The following AFF2 variants were observed in gnomAD, a reference collection of about 807,000 sequenced individuals.
AFF2 encodes ALF transcription elongation factor 2, also known as AF4/FMR2 family member 2.
AFF2 carries 14 observed loss-of-function variants against 76.9 expected under a neutral mutation model. That is an observed-to-expected ratio of 0.18 (90% CI 0.12 to 0.28). The LOEUF (loss-of-function observed/expected upper bound fraction) is 0.28, where lower values mean the gene tolerates loss of function less well. Among genes scored for constraint, AFF2 ranks in the 10% least tolerant of loss-of-function variants. The pLI is 1.00. For synonymous variants in AFF2, 398 were observed against 366.7 expected (o/e 1.09, Z -0.98); for missense variants, 868 against 1,001.1 (o/e 0.87, Z 1.79).
Position 148,835,426 on chromosome X carries a change from G to T in AFF2, c.1087-2221G>T, listed in dbSNP as rs370516276. 6.5e-5 allele frequency among the ~76,000 whole-genome samples: 7 copies of T among 108,193 alleles called. No homozygotes were observed. The East Asian group carries it at 2.0e-3, about 31-fold the overall frequency. 94.0% of individuals were successfully genotyped at this position (108,193 alleles called of 115,157 possible). Reference sequence around the variant, plus strand: ...GGGGTAAAACATGATGTTTTGATATGTATATACATTGTGGAATGATTACAT... The same window carrying T: ...GGGGTAAAACATGATGTTTTGATATTTATATACATTGTGGAATGATTACAT... On this transcript the variant is annotated intron_variant, in intron 4 of 20. Coordinates refer to ENST00000370460, the MANE Select transcript of AFF2 (RefSeq NM_002025.4).
At chrX:148,619,245 G>T (rs1419350690) in intron 1 of AFF2, among the ~76,000 whole-genome samples, 1 of 111,196 alleles carries the variant, frequency 9.0e-6, no homozygotes, top group African/African-American at 3.3e-5. Context: ...TGGGGCTACA[G>T]ACTTTCTCCA....
chrX:148,773,685 G>GGAAAGAAGAAAGAAA (rs2069621391), intron 3 of AFF2, among the ~76,000 whole-genome samples: 1 of 51,442 alleles, frequency 1.9e-5, no homozygotes, highest in South Asian at 1.3e-3. Context: ...AAGGAAGGAA[G>GGAAAGAAGAAAGAAA]GAAAGAAAGA....
chrX:148,589,416 T>G (rs190661837), intron 1 of AFF2, among the ~76,000 whole-genome samples: 168 of 112,400 alleles, frequency 1.5e-3, no homozygotes, highest in African/African-American at 5.0e-3. Context: ...TGACTATGCT[T>G]CTTTTACATT....
intron 2 of AFF2, among the ~76,000 whole-genome samples, chrX:148,658,120 T>A: frequency 8.9e-6 from 1 of 111,922 alleles, no homozygotes; most frequent in Non-Finnish European, 1.9e-5. Context: ...TATGTGCTGA[T>A]TGTTGAATGG....
Position 148,956,216 on chromosome X carries a change from A to T in AFF2, c.2171A>T (p.Gln724Leu). 1 of 1,211,720 alleles carries T rather than the reference A, an allele frequency of 8.3e-7. No individual in the cohort carries two copies. The highest frequency in any genetic ancestry group is 1.1e-6 in the Non-Finnish European group (1 of 895,523). The change falls in exon 11 of 21, where the codon CAG becomes CTG. Residue 724 changes from glutamine (Q) to leucine (L), a missense_variant. Around this residue, in one of 6 missense-constraint regions of AFF2, gnomAD observed 532 missense variants for 564.2 expected, o/e 0.94. Transcript: ENST00000370460. ...TCTACATCTGACTCCAACACAGATCAGGAAGAGACCCTGCAAATCAAAGTC... is the reference window on the plus strand; with the variant it reads ...TCTACATCTGACTCCAACACAGATCTGGAAGAGACCCTGCAAATCAAAGTC... ...DSSTSDSNTD[Q>L]EETLQIKVLP...
chrX:148,717,239 A>T (rs1365454488), intron 3 of AFF2, among the ~76,000 whole-genome samples: 2 of 112,487 alleles, frequency 1.8e-5, no homozygotes, highest in African/African-American at 6.5e-5. Context: ...CATGTAAATG[A>T]ATGAAGTACG....
chrX:148,990,039 T>TAATA (rs2072517045), intron 20 of AFF2, among the ~76,000 whole-genome samples: 1 of 112,326 alleles, frequency 8.9e-6, no homozygotes, highest in African/African-American at 3.2e-5. Context: ...ATGTTTTCCT[T>TAATA]AATACTGTAT....
intron 7 of AFF2, among the ~76,000 whole-genome samples, chrX:148,880,136 G>A (rs2071080616): frequency 8.9e-6 from 1 of 112,051 alleles, no homozygotes; most frequent in African/African-American, 3.2e-5. Context: ...CACTGCCACA[G>A]CCCTCAGACA....
At chrX:148,661,091 C>G (rs1467119509) in intron 2 of AFF2, among the ~76,000 whole-genome samples, 1 of 112,533 alleles carries the variant, frequency 8.9e-6, no homozygotes, top group Non-Finnish European at 1.9e-5. Flanking sequence ...TCTCTAACTG[C>G]TATACATTAG....
intron 9 of AFF2, among the ~76,000 whole-genome samples, chrX:148,928,928 A>C (rs1039764292): frequency 1.8e-5 from 2 of 112,134 alleles, no homozygotes; most frequent in Non-Finnish European, 3.8e-5. Context: ...AATGGAACCC[A>C]AGGTTGCTTG....
chrX:148,968,328 G>T (rs1000761751), intron 15 of AFF2, among the ~76,000 whole-genome samples: 1 of 111,447 alleles, frequency 9.0e-6, no homozygotes, highest in Non-Finnish European at 1.9e-5. Flanking sequence ...CTAACAGTGG[G>T]TCTCAACCAC....
chrX:148,689,893 T>G (rs572296710), intron 3 of AFF2, among the ~76,000 whole-genome samples: 1 of 112,508 alleles, frequency 8.9e-6, no homozygotes. Context: ...GTTATTTGCT[T>G]ATTCAGAAAC....
In AFF2 at chrX:148,915,412, T is replaced by A. The variant is rs201831956; in HGVS notation, c.1397+11154T>A. Among the ~76,000 whole-genome samples, 24 of 112,162 alleles carry A rather than the reference T, an allele frequency of 2.1e-4. No homozygotes were observed. The East Asian group carries it at 5.9e-3, about 28-fold the overall frequency. On this transcript the variant is annotated intron_variant, in intron 9 of 20. Transcript: ENST00000370460. ...AGAAGGTCTCAAATCTTTTTCTCAA[T>A]TCTCATTCCTTTTCCAATTTGTTTA...
intron 12 of AFF2, among the ~76,000 whole-genome samples, chrX:148,962,276 T>C (rs1300529165): frequency 8.9e-6 from 1 of 112,687 alleles, no homozygotes; most frequent in East Asian, 2.8e-4. Flanking sequence ...ACTGATTCTT[T>C]ATTGTGCCAT....
At chrX:148,528,346 T>G (rs1699402746) in intron 1 of AFF2, among the ~76,000 whole-genome samples, 1 of 112,084 alleles carries the variant, frequency 8.9e-6, no homozygotes, top group Non-Finnish European at 1.9e-5. Context: ...GGTGAGCTTC[T>G]CATTTAAAGG....
chrX:148,818,312 G>A (rs2070290350), intron 4 of AFF2, among the ~76,000 whole-genome samples: 1 of 111,896 alleles, frequency 8.9e-6, no homozygotes, highest in Non-Finnish European at 1.9e-5. Flanking sequence ...TATAAAGCAA[G>A]CAACTATAAG....
chrX:148,628,333 G>T (rs920808346), intron 1 of AFF2, among the ~76,000 whole-genome samples: 4 of 111,001 alleles, frequency 3.6e-5, no homozygotes, highest in Non-Finnish European at 1.9e-5. Flanking sequence ...CAAAAAAGTG[G>T]AAATGATCAA....
intron 7 of AFF2, among the ~76,000 whole-genome samples, chrX:148,885,350 G>A (rs1247576867): frequency 9.0e-6 from 1 of 111,449 alleles, no homozygotes; most frequent in Non-Finnish European, 1.9e-5. Context: ...TTAATGACTA[G>A]CCATTTCTCT....
At chrX:148,533,865 A>G (rs1557236224) in intron 1 of AFF2, among the ~76,000 whole-genome samples, 1 of 112,195 alleles carries the variant, frequency 8.9e-6, no homozygotes, top group African/African-American at 3.2e-5. Flanking sequence ...GAAAATTTTG[A>G]AGAGTGAATC....
Sources: gnomAD v4.1 joint callset for allele counts (sites outside exome capture counted in the v4.1 genomes callset) on GRCh38, gnomAD v4.1.1 for gene constraint, gnomAD v4.1.1 regional missense constraint, MANE v1.5 for transcripts, NCBI Gene and HGNC (gene_info 2026-07-23, HGNC 2026-07-21) for gene names.